CTNNBL1: variants seen among roughly 807,000 people sequenced by gnomAD.
The protein encoded by CTNNBL1 is beta-catenin-like protein 1.
CTNNBL1 carries 31 observed loss-of-function variants against 72.7 expected under a neutral mutation model. That is an observed-to-expected ratio of 0.43 (90% CI 0.32 to 0.58). CTNNBL1 has a LOEUF of 0.58. CTNNBL1 is among the 20% of genes least tolerant of loss of function. The pLI, the probability that CTNNBL1 is intolerant of heterozygous loss-of-function variation, is 0.08. For synonymous variants in CTNNBL1, 240 were observed against 267.3 expected, an observed-to-expected ratio of 0.90 and a Z score of 1.00; for missense variants, 534 against 725.1, an observed-to-expected ratio of 0.74 and a Z score of 3.03.
chr20:37,770,304 C>T lies in CTNNBL1; in HGVS notation c.750+2260C>T, dbSNP rs192691834. Among the ~76,000 whole-genome samples the T allele has an allele frequency of 2.2e-3, 334 of 152,288 alleles. 1 individual carries two copies. Among genetic ancestry groups the T allele is most frequent in the Non-Finnish European group, 3.9e-3 (265 of 68,028 alleles). On this transcript the variant is annotated intron_variant, in intron 7 of 15. Coordinates refer to ENST00000361383, the MANE Select transcript of CTNNBL1 (RefSeq NM_030877.5). ...TCAACACATTTTTTATTCTCCAAAG[C>T]CTTGAGACATTTTGGGAACAACCAG...
intron 10 of CTNNBL1, among the ~76,000 whole-genome samples, chr20:37,789,407 T>C (rs929945942): frequency 6.6e-6 from 1 of 152,238 alleles, no homozygotes; most frequent in African/African-American, 2.4e-5. Context: ...AGTTTTGTAG[T>C]CTGTGATGTT....
At chr20:37,871,197 T>C (rs2072580710) in intron 15 of CTNNBL1, among the ~76,000 whole-genome samples, 3 of 152,304 alleles carry the variant, frequency 2.0e-5, no homozygotes, top group Admixed American at 1.3e-4. Context: ...TTTGTGTTTC[T>C]AGTAAGTTTC....
intron 10 of CTNNBL1, among the ~76,000 whole-genome samples, chr20:37,794,391 A>T (rs2073752350): frequency 6.6e-6 from 1 of 152,090 alleles, no homozygotes; most frequent in Non-Finnish European, 1.5e-5. Context: ...ATCTCAGCTC[A>T]CTGCAACCTC....
intron 11 of CTNNBL1, among the ~76,000 whole-genome samples, chr20:37,835,191 T>G (rs2072243277): frequency 6.6e-6 from 1 of 152,222 alleles, no homozygotes. Context: ...CCCAAATCGT[T>G]GGCAAAACAT....
chr20:37,769,900 T>C (rs549785420), intron 7 of CTNNBL1, among the ~76,000 whole-genome samples: 1 of 152,324 alleles, frequency 6.6e-6, no homozygotes, highest in South Asian at 2.1e-4. Flanking sequence ...GCCTAAGATA[T>C]CATATGCTGC....
In CTNNBL1 at chr20:37,777,650, T is replaced by G. The variant is rs2073587995; in HGVS notation, c.824-4T>G. On this transcript the variant is annotated splice_region_variant and splice_polypyrimidine_tract_variant and intron_variant, in intron 8 of 15. Coordinates refer to ENST00000361383, the MANE Select transcript of CTNNBL1 (RefSeq NM_030877.5). ...TTTTCTTCCTCTATTTTTTTCCCCT[T>G]TAGAAAACAGGGAATTGCTTGGGGA... is the stretch of plus-strand genomic sequence containing the variant. 3 of 1,613,504 alleles carry G rather than the reference T, an allele frequency of 1.9e-6. No homozygotes were observed. In the East Asian group the frequency reaches 6.7e-5, roughly 36 times the overall value.
intron 2 of CTNNBL1, among the ~76,000 whole-genome samples, chr20:37,735,158 T>C (rs1257556748): frequency 6.6e-6 from 1 of 152,210 alleles, no homozygotes; most frequent in Non-Finnish European, 1.5e-5. Flanking sequence ...TTTCTTTAGG[T>C]CATCTCTATG....
chr20:37,854,628 G>C (rs4811220), intron 13 of CTNNBL1, among the ~76,000 whole-genome samples: 120,995 of 147,502 alleles, frequency 0.82, 49,732 homozygotes, highest in Middle Eastern at 0.9. Flanking sequence ...TTTGCTCTGT[G>C]CCCCAGGCTG....
chr20:37,766,572 A>G (rs575604044), intron 6 of CTNNBL1, among the ~76,000 whole-genome samples: 4 of 152,354 alleles, frequency 2.6e-5, no homozygotes, highest in African/African-American at 9.6e-5. Flanking sequence ...AAGAGCCTCC[A>G]AATTGCTGGA....
intron 7 of CTNNBL1, among the ~76,000 whole-genome samples, chr20:37,770,969 C>A (rs184811749): frequency 6.6e-6 from 1 of 152,298 alleles, no homozygotes; most frequent in South Asian, 2.1e-4. Context: ...ATGTTATAAT[C>A]TTCATTCTCT....
chr20:37,696,901 G>C (rs2072797955), intron 1 of CTNNBL1, among the ~76,000 whole-genome samples: 1 of 152,078 alleles, frequency 6.6e-6, no homozygotes, highest in African/African-American at 2.4e-5. Context: ...TGTAAAGTGG[G>C]CCGGGTGTGG....
At chr20:37,741,526 G>A (rs1355318134) in intron 3 of CTNNBL1, among the ~76,000 whole-genome samples, 1 of 152,218 alleles carries the variant, frequency 6.6e-6, no homozygotes, top group African/African-American at 2.4e-5. Flanking sequence ...CTGTGTTCCA[G>A]TGACACTTCT....
chr20:37,849,667 G>A (rs1413033581), intron 13 of CTNNBL1, among the ~76,000 whole-genome samples: 1 of 152,222 alleles, frequency 6.6e-6, no homozygotes, highest in African/African-American at 2.4e-5. Flanking sequence ...TTCCCTGACA[G>A]TTTCTGCAGA....
At chr20:37,860,573 A>G (rs1959244166) in intron 15 of CTNNBL1, among the ~76,000 whole-genome samples, 1 of 152,244 alleles carries the variant, frequency 6.6e-6, no homozygotes, top group South Asian at 2.1e-4. Context: ...CCCATAAACA[A>G]GAGGCACAAA....
chr20:37,867,809 G>C (rs2072548886), intron 15 of CTNNBL1, among the ~76,000 whole-genome samples: 1 of 152,170 alleles, frequency 6.6e-6, no homozygotes, highest in East Asian at 1.9e-4. Context: ...GTAATAACCA[G>C]AGGTAGCTGG....
At chr20:37,720,210 A>G (rs1373919353) in intron 1 of CTNNBL1, among the ~76,000 whole-genome samples, 1 of 151,968 alleles carries the variant, frequency 6.6e-6, no homozygotes, top group African/African-American at 2.4e-5. Flanking sequence ...TTGTATTTTT[A>G]GTAGAGAGGG....
chr20:37,752,260 C>T (rs1209968330), intron 4 of CTNNBL1, among the ~76,000 whole-genome samples: 1 of 151,974 alleles, frequency 6.6e-6, no homozygotes, highest in Non-Finnish European at 1.5e-5. Flanking sequence ...ACATTTTCTC[C>T]TTCATATTAG....
At chr20:37,853,577 C>G (rs2072414666) in intron 13 of CTNNBL1, among the ~76,000 whole-genome samples, 1 of 152,182 alleles carries the variant, frequency 6.6e-6, no homozygotes, top group African/African-American at 2.4e-5. Context: ...CTCAAGATCA[C>G]CTTTCTATGT....
At chr20:37,815,165 A>AT (rs2072045277) in intron 11 of CTNNBL1, among the ~76,000 whole-genome samples, 1 of 151,470 alleles carries the variant, frequency 6.6e-6, no homozygotes, top group South Asian at 2.1e-4. Flanking sequence ...CATCTTGGGC[A>AT]TTTTTTAGCA....
Sources: gnomAD v4.1 joint callset for allele counts (sites outside exome capture counted in the v4.1 genomes callset) on GRCh38, gnomAD v4.1.1 for gene constraint, MANE v1.5 for transcripts, NCBI Gene and HGNC (gene_info 2026-07-23, HGNC 2026-07-21) for gene names.